The following PSD3 variants were observed in gnomAD, a reference collection of about 807,000 sequenced individuals.
PSD3 encodes the protein PH and SEC7 domain-containing protein 3.
In PSD3, 49 loss-of-function variants were observed where a neutral mutation model predicts 105.5. The ratio of observed to expected loss-of-function variants is 0.46; its 90% CI spans 0.37 to 0.59. PSD3 has a LOEUF of 0.59. Among genes scored for constraint, PSD3 ranks in the 20% least tolerant of loss-of-function variants. The pLI is 0.00. For synonymous variants in PSD3, 557 were observed against 457.8 expected (o/e 1.22, Z -2.77); for missense variants, 1,561 against 1,263.8 (o/e 1.24, Z -3.57).
intron 4 of PSD3, among the ~76,000 whole-genome samples, chr8:18,831,895 T>A (rs28478746): frequency 6.6e-6 from 1 of 150,704 alleles, no homozygotes; most frequent in African/African-American, 2.5e-5. Flanking sequence ...AGAATAAATA[T>A]AACAAAAAAA....
At chr8:18,566,015 G>C (rs1801721523) in intron 14 of PSD3, among the ~76,000 whole-genome samples, 1 of 152,104 alleles carries the variant, frequency 6.6e-6, no homozygotes, top group African/African-American at 2.4e-5. Context: ...AAGGATGAGA[G>C]CTAGTCTTTG....
chr8:18,801,651 G>A lies in PSD3; in HGVS notation c.1911-269C>T, dbSNP rs577000856. Among the ~76,000 whole-genome samples the A allele has an allele frequency of 2.6e-5, 4 of 152,136 alleles. 1 individual carries two copies. Among genetic ancestry groups the A allele is most frequent in the African/African-American group, 9.6e-5 (4 of 41,504 alleles). ...TCAAAACCAGCCTGGCCAACATGGC[G>A]AAACCCCATCTCTACTAAAAATACA... On this transcript the variant is annotated intron_variant, in intron 6 of 15. Coordinates refer to ENST00000327040, the MANE Select transcript of PSD3 (RefSeq NM_015310.4).
upstream of PSD3, among the ~76,000 whole-genome samples, chr8:19,015,447 G>C (rs917464643): frequency 6.6e-6 from 1 of 152,158 alleles, no homozygotes; most frequent in Admixed American, 6.5e-5. Context: ...ATACCCTACA[G>C]AGACAGTCCC....
chr8:18,613,814 C>A (rs1805453715), intron 11 of PSD3, among the ~76,000 whole-genome samples: 1 of 152,176 alleles, frequency 6.6e-6, no homozygotes, highest in Non-Finnish European at 1.5e-5. Context: ...CTTTGAAGTG[C>A]ACCTAACCAC....
At chr8:18,924,398 A>T (rs955217604) in intron 2 of PSD3, 4 of 152,200 alleles carry the variant, frequency 2.6e-5, no homozygotes, top group Admixed American at 6.5e-5. Context: ...AGGAGGCTGG[A>T]GAGTGGAAAG....
At chr8:18,812,319 C>T (rs748154023) in intron 4 of PSD3, among the ~76,000 whole-genome samples, 12 of 152,094 alleles carry the variant, frequency 7.9e-5, no homozygotes, top group Non-Finnish European at 1.5e-4. Flanking sequence ...AGTTGGGGAA[C>T]GACTTTGTTG....
chr8:18,666,878 T>C (rs558153876), intron 9 of PSD3, among the ~76,000 whole-genome samples: 8 of 152,306 alleles, frequency 5.3e-5, no homozygotes, highest in Non-Finnish European at 8.8e-5. Flanking sequence ...TGGAATGCTA[T>C]TGTGTCCAGA....
At chr8:18,750,085 T>C (rs775431004) in intron 9 of PSD3, among the ~76,000 whole-genome samples, 13 of 152,162 alleles carry the variant, frequency 8.5e-5, no homozygotes, top group Non-Finnish European at 1.9e-4. Flanking sequence ...ACTAAGTTTG[T>C]GGTGATTTGT....
chr8:18,764,751 G>A (rs1410657350), intron 9 of PSD3, among the ~76,000 whole-genome samples: 1 of 152,012 alleles, frequency 6.6e-6, no homozygotes, highest in African/African-American at 2.4e-5. Flanking sequence ...TTTTTTAAAA[G>A]GCTAGAATCA....
At chr8:18,947,011 G>C (rs1309974728) in intron 1 of PSD3, among the ~76,000 whole-genome samples, 1 of 151,568 alleles carries the variant, frequency 6.6e-6, no homozygotes, top group African/African-American at 2.4e-5. Context: ...TAAACAAATG[G>C]GGAAGATGCT....
Position 18,872,082 on chromosome 8 carries a change from T to C in PSD3, c.782A>G (p.His261Arg). The stretch of plus-strand genomic sequence containing the variant: ...CAAGAAACCAACACTGCCTGCAGAG[T>C]GGCAGGTCACTGCTGAGCTCCCGAG... ...ASLGSSAVTC[H>R]SAGSVGFLKE... is the part of the protein sequence containing the mutation. Residue 261 changes from histidine to arginine, a missense_variant, in exon 3 of 16, where the codon CAC becomes CGC. His to Arg is a conservative substitution (Grantham distance 29, BLOSUM62 0). Coordinates refer to ENST00000327040, the MANE Select transcript of PSD3 (RefSeq NM_015310.4). 1 of 1,614,026 alleles carries C rather than the reference T, an allele frequency of 6.2e-7. No homozygotes were observed. Among genetic ancestry groups the C allele is most frequent in the Non-Finnish European group, 8.5e-7 (1 of 1,180,002 alleles).
chr8:18,616,785 G>C (rs561083685), intron 11 of PSD3, among the ~76,000 whole-genome samples: 1 of 151,182 alleles, frequency 6.6e-6, no homozygotes, highest in South Asian at 2.1e-4. Context: ...CACCACGCCC[G>C]GCTCATTTTT....
intron 9 of PSD3, among the ~76,000 whole-genome samples, chr8:18,731,401 A>G (rs17127110): frequency 0.093 from 14,161 of 152,250 alleles, 1,072 homozygotes; most frequent in East Asian, 0.39. Context: ...ACATTGGAAG[A>G]TTCTGCCAAT....
At chr8:18,604,807 G>A (rs141512129) in intron 11 of PSD3, among the ~76,000 whole-genome samples, 1 of 152,328 alleles carries the variant, frequency 6.6e-6, no homozygotes, top group Non-Finnish European at 1.5e-5. Flanking sequence ...GCTCAAAGGG[G>A]CCTGGGTACA....
At chr8:18,691,394 T>C (rs1800966931) in intron 9 of PSD3, among the ~76,000 whole-genome samples, 1 of 152,184 alleles carries the variant, frequency 6.6e-6, no homozygotes, top group Non-Finnish European at 1.5e-5. Context: ...TAGCTGACAA[T>C]GCCACAGTCA....
intron 8 of PSD3, among the ~76,000 whole-genome samples, chr8:18,782,199 A>T (rs772648942): frequency 6.6e-6 from 1 of 151,928 alleles, no homozygotes; most frequent in Non-Finnish European, 1.5e-5. Flanking sequence ...TTGCTGGAGA[A>T]TTATTGTGTT....
intron 9 of PSD3, among the ~76,000 whole-genome samples, chr8:18,689,599 G>T (rs749042847): frequency 6.6e-6 from 1 of 152,200 alleles, no homozygotes; most frequent in African/African-American, 2.4e-5. Context: ...AATGGCGGTT[G>T]TAACACTCAG....
chr8:18,967,634 G>T (rs1824360989), intron 1 of PSD3, among the ~76,000 whole-genome samples: 1 of 152,140 alleles, frequency 6.6e-6, no homozygotes, highest in South Asian at 2.1e-4. Flanking sequence ...GACCATCAGG[G>T]TAGGGTTCTC....
chr8:18,794,989 C>G (rs57931874), intron 8 of PSD3, among the ~76,000 whole-genome samples: 107,655 of 148,868 alleles, frequency 0.72, 40,541 homozygotes, highest in Non-Finnish European at 0.82. Flanking sequence ...TATTTATCCA[C>G]TATTTAAGAT....
Sources: gnomAD v4.1 joint callset for allele counts (sites outside exome capture counted in the v4.1 genomes callset) on GRCh38, gnomAD v4.1.1 for gene constraint, MANE v1.5 for transcripts, NCBI Gene and HGNC (gene_info 2026-07-23, HGNC 2026-07-21) for gene names.